Variants in PCCA observed in about 807,000 individuals in gnomAD.
The protein encoded by PCCA is propionyl-CoA carboxylase alpha chain, mitochondrial.
In PCCA, 74 loss-of-function variants were observed where a neutral mutation model predicts 101.3. The ratio of observed to expected loss-of-function variants is 0.73; its 90% confidence interval spans 0.61 to 0.89. The LOEUF is 0.89. PCCA is among the 40% of genes least tolerant of loss of function. The probability of loss-of-function intolerance (pLI) is 0.00; values close to 1 mark genes in which losing one functional copy is unlikely to be tolerated. For synonymous variants in PCCA, 294 were observed against 313.6 expected, an observed-to-expected ratio of 0.94 and a Z score of 0.66; for missense variants, 891 against 907.0, an observed-to-expected ratio of 0.98 and a Z score of 0.23.
rs191166064 is a variant in PCCA at position 100,433,604 on chromosome 13, G to A, written c.1845+7873G>A. On this transcript the variant is annotated intron_variant, in intron 20 of 23. Transcript: ENST00000376285. The stretch of plus-strand genomic sequence containing the variant: ...AATGTTGCTACCAGGTAATAAACAA[G>A]CCATACTGTATTTGGGAGAGGAGGG... 4.2e-3 allele frequency among the ~76,000 whole-genome samples: 645 copies of A among 151,938 alleles called. 1 individual carries two copies. The highest frequency in any genetic ancestry group is 0.017 in the Middle Eastern group (5 of 292).
intron 19 of PCCA, among the ~76,000 whole-genome samples, chr13:100,381,009 G>T (rs911305815): frequency 6.6e-6 from 1 of 152,160 alleles, no homozygotes; most frequent in Non-Finnish European, 1.5e-5. Context: ...AGGCATGGAG[G>T]GATCCAGATG....
chr13:100,478,881 A>G (rs1287955508), intron 21 of PCCA, among the ~76,000 whole-genome samples: 1 of 152,224 alleles, frequency 6.6e-6, no homozygotes, highest in Non-Finnish European at 1.5e-5. Context: ...TTGGTACTAG[A>G]ACTGGTAAGC....
At position 100,264,017 on chromosome 13, in the gene PCCA, TATCTGTATATCGTATATATAC is replaced by T. The variant is rs2062734718; in HGVS notation, c.819+1187_819+1207del. 1.2e-4 allele frequency among the ~76,000 whole-genome samples: 18 copies of T among 149,670 alleles called. No individual in the cohort carries two copies. In the South Asian group the frequency reaches 3.6e-3, roughly 30 times the overall value. On this transcript the variant is annotated intron_variant, in intron 10 of 23. Transcript: ENST00000376285. ...GTATCTGTATATCGTATATATACGG[TATCTGTATATCGTATATATAC>T]GGTATCTGTATATCGTATATATACG...
intron 19 of PCCA, among the ~76,000 whole-genome samples, chr13:100,412,117 A>G (rs2078089854): frequency 6.6e-6 from 1 of 152,188 alleles, no homozygotes; most frequent in Non-Finnish European, 1.5e-5. Context: ...GTTAATAGTA[A>G]ATTCCTGTTT....
chr13:100,487,784 G>A (rs2084509566), intron 21 of PCCA, among the ~76,000 whole-genome samples: 3 of 152,116 alleles, frequency 2.0e-5, no homozygotes, highest in African/African-American at 7.2e-5. Flanking sequence ...GAGTGCAGTG[G>A]CAGGATCATA....
intron 22 of PCCA, among the ~76,000 whole-genome samples, chr13:100,520,725 G>A (rs891534273): frequency 1.3e-4 from 20 of 150,572 alleles, no homozygotes; most frequent in Non-Finnish European, 5.9e-5. Context: ...AAGATGAGGA[G>A]GTAAAAAAAT....
At chr13:100,471,819 G>T (rs1026772534) in intron 21 of PCCA, among the ~76,000 whole-genome samples, 3 of 152,168 alleles carry the variant, frequency 2.0e-5, no homozygotes, top group African/African-American at 7.2e-5. Context: ...TCCCAATGGC[G>T]GTGCTTCTCG....
At chr13:100,403,551 A>G (rs116756112) in intron 19 of PCCA, among the ~76,000 whole-genome samples, 104 of 152,194 alleles carry the variant, frequency 6.8e-4, no homozygotes, top group African/African-American at 2.2e-3. Context: ...CTTTTAAATG[A>G]CCAGATTTCA....
intron 18 of PCCA, among the ~76,000 whole-genome samples, chr13:100,366,645 A>C: frequency 6.7e-6 from 1 of 149,764 alleles, no homozygotes; most frequent in Non-Finnish European, 1.5e-5. Flanking sequence ...TCCCCTCCCC[A>C]CTGTGTGTTG....
chr13:100,278,519 G>T (rs964398244), intron 12 of PCCA, among the ~76,000 whole-genome samples: 28 of 146,974 alleles, frequency 1.9e-4, no homozygotes, highest in African/African-American at 7.1e-4. Context: ...GTCTCACTCT[G>T]TCACCAGGCT....
chr13:100,430,939 A>C lies in PCCA; in HGVS notation c.1845+5208A>C, dbSNP rs147401076. Among the ~76,000 whole-genome samples the C allele has an allele frequency of 2.3e-3, 353 of 152,336 alleles. 2 individuals are homozygous for C. Among genetic ancestry groups the C allele is most frequent in the East Asian group, 9.8e-3 (51 of 5,186 alleles). Reference sequence around the variant, plus strand: ...GCACTTTGTATGTATGAATGCCCCCAAAAACCCAATAAAGTACGTACTAGT... The same window carrying C: ...GCACTTTGTATGTATGAATGCCCCCCAAAACCCAATAAAGTACGTACTAGT... On this transcript the variant is annotated intron_variant, in intron 20 of 23. Coordinates refer to ENST00000376285, the MANE Select transcript of PCCA (RefSeq NM_000282.4).
intron 1 of PCCA, among the ~76,000 whole-genome samples, chr13:100,098,864 A>G (rs550264769): frequency 3.3e-4 from 51 of 152,320 alleles, no homozygotes; most frequent in African/African-American, 1.2e-3. Context: ...AAGACTAAAT[A>G]GTCTATTTGA....
At chr13:100,302,780 C>T in intron 13 of PCCA, 144 bp from the exon 14 acceptor site, 1 of 690,884 alleles carries the variant, frequency 1.4e-6, no homozygotes, top group Non-Finnish European at 2.7e-6. Flanking sequence ...GCGTAAAAGA[C>T]AATAATATTC....
chr13:100,245,240 T>G lies in PCCA; in HGVS notation c.637+9362T>G, dbSNP rs371007700. Among the ~76,000 whole-genome samples the G allele has an allele frequency of 3.3e-5, 5 of 152,306 alleles. No homozygotes were observed. The East Asian group carries it at 9.6e-4, about 29-fold the overall frequency. ...AGTAGAGTGTATTTCCCCAATTTGT[T>G]TGAATTTAAACTGTTTCCTTGTTTG... On this transcript the variant is annotated intron_variant, in intron 8 of 23. Coordinates refer to ENST00000376285, the MANE Select transcript of PCCA (RefSeq NM_000282.4).
intron 19 of PCCA, among the ~76,000 whole-genome samples, chr13:100,371,757 A>G (rs1390717767): frequency 1.3e-5 from 2 of 152,218 alleles, no homozygotes; most frequent in Non-Finnish European, 2.9e-5. Flanking sequence ...AGAAGAAGAA[A>G]GTTGAAAGCC....
rs570375171 is a variant in PCCA at position 100,100,799 on chromosome 13, T to G, written c.106-2084T>G. Among the ~76,000 whole-genome samples, 652 of 152,158 alleles carry G rather than the reference T, an allele frequency of 4.3e-3. 5 individuals carry two copies. Among genetic ancestry groups the G allele is most frequent in the African/African-American group, 0.015 (615 of 41,504 alleles). ...AGTTCTACTTCTTCTTTTTTTTTTT[T>G]TTGTTGAGACAGTGTTTCGCTCTTT... On this transcript the variant is annotated intron_variant, in intron 1 of 23. Transcript: ENST00000376285.
chr13:100,362,890 C>G (rs928960575), intron 18 of PCCA, among the ~76,000 whole-genome samples: 2 of 152,174 alleles, frequency 1.3e-5, no homozygotes, highest in Non-Finnish European at 2.9e-5. Flanking sequence ...TAATCCTCCT[C>G]TATGCCAATT....
At chr13:100,089,755 G>A (rs372472443) in intron 1 of PCCA, among the ~76,000 whole-genome samples, 2 of 152,316 alleles carry the variant, frequency 1.3e-5, no homozygotes, top group East Asian at 3.9e-4. Context: ...TTGAAAGCCT[G>A]TTTTAATTGT....
At chr13:100,367,479 TTGTGTGTG>T (rs151316391) in intron 18 of PCCA, among the ~76,000 whole-genome samples, 1 of 149,554 alleles carries the variant, frequency 6.7e-6, no homozygotes, top group African/African-American at 2.4e-5. Flanking sequence ...ATTTAGGGTT[TTGTGTGTG>T]TGTGTGTGTG....
Sources: gnomAD v4.1 joint callset for allele counts (sites outside exome capture counted in the v4.1 genomes callset) on GRCh38, gnomAD v4.1.1 for gene constraint, MANE v1.5 for transcripts, NCBI Gene and HGNC (gene_info 2026-07-23, HGNC 2026-07-21) for gene names.